The following TMX3 variants were observed in gnomAD, a reference collection of about 807,000 sequenced individuals.
TMX3 encodes the protein thioredoxin related transmembrane protein 3.
A neutral mutation model predicts 64.4 loss-of-function variants in TMX3; 40 were observed. The observed-to-expected ratio is 0.62, with a 90% CI of 0.48 to 0.81. TMX3 has a LOEUF of 0.81. Among genes scored for constraint, TMX3 ranks in the 30% least tolerant of loss-of-function variants. The pLI is 0.00. For synonymous variants in TMX3, 189 were observed against 175.7 expected, an observed-to-expected ratio of 1.08 and a Z score of -0.60; for missense variants, 497 against 534.5, an observed-to-expected ratio of 0.93 and a Z score of 0.69.
chr18:68,706,837 T>A (rs1339991359), intron 4 of TMX3, among the ~76,000 whole-genome samples: 1 of 152,232 alleles, frequency 6.6e-6, no homozygotes, highest in Non-Finnish European at 1.5e-5. Flanking sequence ...CTGTTTGTAA[T>A]ATGTGAACGG....
At chr18:68,696,717 T>G (rs909054686) in intron 8 of TMX3, among the ~76,000 whole-genome samples, 1 of 152,098 alleles carries the variant, frequency 6.6e-6, no homozygotes, top group Non-Finnish European at 1.5e-5. Flanking sequence ...CCTCGGGTGA[T>G]CTACCTGTCT....
intron 2 of TMX3, among the ~76,000 whole-genome samples, chr18:68,712,730 T>C (rs895819556): frequency 6.6e-6 from 1 of 152,022 alleles, no homozygotes; most frequent in East Asian, 1.9e-4. Context: ...AATAAGACTA[T>C]CTCCTTGTTA....
chr18:68,702,775 T>C (rs536281750), intron 4 of TMX3, among the ~76,000 whole-genome samples: 25 of 152,300 alleles, frequency 1.6e-4, no homozygotes, highest in African/African-American at 6.0e-4. Context: ...TTAGTAATCT[T>C]CACTAATCTT....
At chr18:68,702,969 G>A (rs920022114) in intron 4 of TMX3, among the ~76,000 whole-genome samples, 40 of 152,150 alleles carry the variant, frequency 2.6e-4, no homozygotes, top group Admixed American at 4.6e-4. Flanking sequence ...AACAGCAGAG[G>A]TAACAATTAA....
In TMX3 at chr18:68,694,158, C is replaced by G. The variant is rs376313073; in HGVS notation, c.571-2797G>C. Among the ~76,000 whole-genome samples the G allele has an allele frequency of 9.2e-5, 14 of 152,276 alleles. 1 individual carries two copies. The East Asian group carries it at 1.6e-3, about 17-fold the overall frequency. On this transcript the variant is annotated intron_variant, in intron 8 of 15. Transcript: ENST00000299608. ...GGGACTGAAGGGGCTGTAATGCAAA[C>G]AGGGCTGAAACATACCCCCCAGTCA...
chr18:68,687,299 T>A (rs576309021), intron 10 of TMX3: 11 of 985,332 alleles, frequency 1.1e-5, no homozygotes, highest in Non-Finnish European at 1.3e-5. Context: ...CATTTTTCCC[T>A]TTCACAGGTA....
At chr18:68,680,185 T>C (rs568472966) in intron 14 of TMX3, among the ~76,000 whole-genome samples, 34 of 152,326 alleles carry the variant, frequency 2.2e-4, no homozygotes, top group Admixed American at 7.2e-4. Flanking sequence ...AAAGTAGTTA[T>C]GTTTGTTACT....
intron 10 of TMX3, chr18:68,687,176 C>T: frequency 1.0e-6 from 1 of 985,342 alleles, no homozygotes; most frequent in Non-Finnish European, 1.2e-6. Flanking sequence ...TAGTTTGCAT[C>T]TGAGACCATA....
chr18:68,699,209 T>C (rs1214787709), intron 6 of TMX3, among the ~76,000 whole-genome samples: 1 of 152,156 alleles, frequency 6.6e-6, no homozygotes, highest in Non-Finnish European at 1.5e-5. Context: ...ACTTAGTAAC[T>C]AAATGTAAGT....
rs1208614308 is a variant in TMX3 at position 68,673,898 on chromosome 18, CCCA to C, written c.*3032_*3034del. On this transcript the variant is annotated 3_prime_UTR_variant, in exon 16 of 16. Transcript: ENST00000299608. ...ATAAAAATAAAATGTCAAGCCTAAT[CCCA>C]CCAATTGATAGTCTTAATATCCTAC... 1.3e-5 allele frequency: 2 copies of C among 152,110 alleles called. No homozygotes were observed. The highest frequency in any genetic ancestry group is 2.9e-5 in the Non-Finnish European group (2 of 68,002). 9.4% of individuals were successfully genotyped at this position (152,110 alleles called of 1,614,324 possible). A position where few individuals can be genotyped will look rare whatever the true frequency, so the allele number is the denominator to read the frequency against.
rs1236311895 is a variant in TMX3 at position 68,677,046 on chromosome 18, C to T, written c.1252G>A (p.Glu418Lys). 6.2e-7 allele frequency: 1 copy of T among 1,613,854 alleles called. No individual in the cohort carries two copies. Among genetic ancestry groups the T allele is most frequent in the South Asian group, 1.1e-5 (1 of 91,076 alleles). Reference sequence around the variant, plus strand: ...CTCTCTTCTATCTGTTCTTGGTTTTCATTTTCACTTTTAGACACTTCATAT... The same window carrying T: ...CTCTCTTCTATCTGTTCTTGGTTTTTATTTTCACTTTTAGACACTTCATAT... Reference protein sequence around the residue: ...ERYEVSKSENENQEQIEESKE... With the variant: ...ERYEVSKSENKNQEQIEESKE... The change falls in exon 16 of 16, where the codon GAA becomes AAA. Residue 418 changes from glutamate to lysine, a missense_variant. Around this residue, in one of 3 missense-constraint regions of TMX3, gnomAD observed 94 missense variants for 75.8 expected, o/e 1.24. Coordinates refer to ENST00000299608, the MANE Select transcript of TMX3 (RefSeq NM_019022.5).
At chr18:68,682,824 T>C in intron 13 of TMX3, 101 bp downstream of exon 13, 2 of 927,316 alleles carry the variant, frequency 2.2e-6, no homozygotes, top group Non-Finnish European at 3.2e-6. Flanking sequence ...ATATGTCAAC[T>C]GTTTGCTATT....
intron 1 of TMX3, chr18:68,714,208 T>C (rs1599354634): frequency 5.3e-6 from 1 of 187,052 alleles, no homozygotes; most frequent in Admixed American, 6.0e-5. Flanking sequence ...CCTATCTTTT[T>C]GGAATACAAA....
chr18:68,704,323 T>C (rs550809985), intron 4 of TMX3, among the ~76,000 whole-genome samples: 173 of 152,154 alleles, frequency 1.1e-3, no homozygotes, highest in African/African-American at 3.9e-3. Flanking sequence ...AACAAATTTG[T>C]GAGGAGGAAA....
intron 14 of TMX3, 150 bp downstream of exon 14, chr18:68,680,831 T>C (rs756115474): frequency 1.7e-4 from 102 of 607,642 alleles, no homozygotes; most frequent in Non-Finnish European, 2.5e-4. Flanking sequence ...CTACTCTGCC[T>C]ATAATTGGAC....
chr18:68,683,298 T>TAAA (rs1224068710), intron 12 of TMX3, among the ~76,000 whole-genome samples: 1 of 152,110 alleles, frequency 6.6e-6, no homozygotes, highest in Non-Finnish European at 1.5e-5. Context: ...GAAAAATTCC[T>TAAA]ATTTTCTCTA....
intron 5 of TMX3, 154 bp from the exon 6 acceptor site, chr18:68,700,639 T>C: frequency 2.6e-6 from 2 of 780,174 alleles, no homozygotes. Flanking sequence ...ATGGTAGACA[T>C]TAGGCTTGCC....
In TMX3 at chr18:68,683,026, T is replaced by TG. The variant is rs760826442; in HGVS notation, c.849-46dup. ...AATAAATAAATAAAAGGAGAGGGGG[T>TG]GGGGGGAGAGAGAGAGAGAAAGCTC... On this transcript the variant is annotated intron_variant, in intron 12 of 15. Coordinates refer to ENST00000299608, the MANE Select transcript of TMX3 (RefSeq NM_019022.5). The TG allele has an allele frequency of 6.5e-6, 10 of 1,548,810 alleles. No homozygotes were observed. The African/African-American group carries it at 1.2e-4, about 19-fold the overall frequency.
chr18:68,703,499 C>T (rs1359390188), intron 4 of TMX3, among the ~76,000 whole-genome samples: 1 of 152,174 alleles, frequency 6.6e-6, no homozygotes, highest in East Asian at 1.9e-4. Context: ...CCTATTACAT[C>T]ATTTCCTCGA....
Sources: allele counts gnomAD v4.1 joint callset (sites outside exome capture counted in the v4.1 genomes callset), GRCh38; gene constraint gnomAD v4.1.1; regional missense constraint gnomAD v4.1.1; transcripts MANE v1.5; gene names NCBI Gene and HGNC (gene_info 2026-07-23, HGNC 2026-07-21).